SGCZ: variants seen among roughly 807,000 people sequenced by gnomAD.
The protein encoded by SGCZ is zeta-sarcoglycan.
SGCZ carries 40 observed loss-of-function variants against 41.3 expected under a neutral mutation model. The ratio of observed to expected loss-of-function variants is 0.97; its 90% CI spans 0.75 to 1.26. SGCZ has a LOEUF of 1.26. Among genes scored for constraint, SGCZ ranks in the 50% most tolerant of loss-of-function variants. The pLI, the probability that SGCZ is intolerant of heterozygous loss-of-function variation, is 0.00. For synonymous variants in SGCZ, 206 were observed against 137.5 expected (o/e 1.50, Z -3.49); for missense variants, 552 against 369.8 (o/e 1.49, Z -4.04).
intron 1 of SGCZ, among the ~76,000 whole-genome samples, chr8:14,617,801 C>T (rs1184447953): frequency 6.6e-6 from 1 of 151,674 alleles, no homozygotes; most frequent in Non-Finnish European, 1.5e-5. Flanking sequence ...AAAGATAGTG[C>T]ATGTTGAAGA....
intron 2 of SGCZ, among the ~76,000 whole-genome samples, chr8:14,384,590 C>G (rs890154507): frequency 9.2e-5 from 14 of 152,176 alleles, no homozygotes; most frequent in Non-Finnish European, 2.1e-4. Flanking sequence ...GACAAAGTCT[C>G]ACTCTGTTGC....
intron 1 of SGCZ, among the ~76,000 whole-genome samples, chr8:14,918,416 G>C (rs896753678): frequency 1.3e-5 from 2 of 151,786 alleles, no homozygotes; most frequent in Non-Finnish European, 2.9e-5. Flanking sequence ...TCATAATATT[G>C]TTTTTAAATA....
chr8:14,678,487 T>C (rs976549429), intron 1 of SGCZ, among the ~76,000 whole-genome samples: 1 of 152,180 alleles, frequency 6.6e-6, no homozygotes, highest in African/African-American at 2.4e-5. Context: ...AACAATGATA[T>C]GCCACTAAGA....
rs1198800343 is a variant in SGCZ, at chr8:15,066,657, T to C, written c.39+170928A>G. On this transcript the variant is annotated intron_variant, in intron 1 of 7. Transcript: ENST00000382080. ...TCAATTACCTCCACTTCTTCCATTT[T>C]AAAATATTCTTTTTACATTGACTAT... is the stretch of plus-strand genomic sequence containing the variant. 2.0e-5 allele frequency among the ~76,000 whole-genome samples: 3 copies of C among 152,224 alleles called. No homozygotes were observed. The East Asian group carries it at 5.8e-4, about 29-fold the overall frequency.
intron 1 of SGCZ, among the ~76,000 whole-genome samples, chr8:14,619,904 AC>A (rs1227045119): frequency 3.3e-5 from 5 of 152,182 alleles, no homozygotes; most frequent in Non-Finnish European, 5.9e-5. Context: ...CCATCAAGCT[AC>A]CAATGCCTTT....
At chr8:14,858,976 T>C (rs1803632774) in intron 1 of SGCZ, among the ~76,000 whole-genome samples, 2 of 152,156 alleles carry the variant, frequency 1.3e-5, no homozygotes, top group South Asian at 4.1e-4. Context: ...TAGATTTACT[T>C]TGCTAATTTT....
chr8:14,257,539 T>A (rs1799510139), intron 3 of SGCZ, among the ~76,000 whole-genome samples: 2 of 152,038 alleles, frequency 1.3e-5, no homozygotes, highest in Non-Finnish European at 2.9e-5. Context: ...ACACGCAGGT[T>A]TGTTACATAT....
intron 1 of SGCZ, among the ~76,000 whole-genome samples, chr8:15,061,176 T>A (rs1401213329): frequency 7.2e-6 from 1 of 138,780 alleles, no homozygotes; most frequent in Non-Finnish European, 1.6e-5. Flanking sequence ...AGTGTGATAG[T>A]ATTAAGAGGG....
At chr8:14,193,665 T>C (rs974912477) in intron 4 of SGCZ, among the ~76,000 whole-genome samples, 1 of 152,098 alleles carries the variant, frequency 6.6e-6, no homozygotes, top group Admixed American at 6.6e-5. Flanking sequence ...CAAGTTTATG[T>C]CTAACAATAG....
intron 1 of SGCZ, among the ~76,000 whole-genome samples, chr8:15,183,662 A>C (rs1310480069): frequency 6.6e-6 from 1 of 152,212 alleles, no homozygotes; most frequent in Non-Finnish European, 1.5e-5. Context: ...GGGGAAGAAA[A>C]ATCACTAATA....
chr8:14,996,266 T>C (rs1373704877), intron 1 of SGCZ, among the ~76,000 whole-genome samples: 3 of 152,312 alleles, frequency 2.0e-5, no homozygotes, highest in Admixed American at 6.5e-5. Flanking sequence ...AAATGCAGCA[T>C]TCTGAACCGC....
intron 2 of SGCZ, among the ~76,000 whole-genome samples, chr8:14,410,075 G>C (rs1036210127): frequency 6.6e-6 from 1 of 152,092 alleles, no homozygotes; most frequent in East Asian, 1.9e-4. Context: ...CCTCCAGTAA[G>C]ACCAGGGGTG....
intron 3 of SGCZ, among the ~76,000 whole-genome samples, chr8:14,246,782 C>T (rs1431599502): frequency 2.0e-5 from 3 of 150,054 alleles, no homozygotes; most frequent in Non-Finnish European, 3.0e-5. Context: ...TAGTGGCGGG[C>T]GCCTGTAGTC....
At chr8:15,199,527 T>G (rs1297588433) in intron 1 of SGCZ, among the ~76,000 whole-genome samples, 1 of 152,186 alleles carries the variant, frequency 6.6e-6, no homozygotes, top group Non-Finnish European at 1.5e-5. Context: ...TATAACTAAT[T>G]ACAATTTTTA....
chr8:14,539,044 C>T (rs1803379118), intron 2 of SGCZ, among the ~76,000 whole-genome samples: 1 of 152,014 alleles, frequency 6.6e-6, no homozygotes, highest in African/African-American at 2.4e-5. Flanking sequence ...TATAAATCAA[C>T]AGACTTTGAG....
intron 2 of SGCZ, among the ~76,000 whole-genome samples, chr8:14,552,060 A>C (rs1803886743): frequency 9.1e-6 from 1 of 109,960 alleles, no homozygotes; most frequent in African/African-American, 3.4e-5. Context: ...TGTGTAGATC[A>C]ATAGTACTCC....
chr8:14,134,131 A>G (rs1803124650), intron 5 of SGCZ, among the ~76,000 whole-genome samples: 1 of 152,186 alleles, frequency 6.6e-6, no homozygotes, highest in African/African-American at 2.4e-5. Context: ...ACAAATATCT[A>G]TTTTACATTT....
intron 2 of SGCZ, among the ~76,000 whole-genome samples, chr8:14,417,439 T>C (rs2117295086): frequency 6.6e-6 from 1 of 151,994 alleles, no homozygotes; most frequent in Admixed American, 6.6e-5. Flanking sequence ...CACTCTTTCC[T>C]CCAATTATTT....
At chr8:14,135,974 T>C (rs1451878702) in intron 5 of SGCZ, among the ~76,000 whole-genome samples, 1 of 152,218 alleles carries the variant, frequency 6.6e-6, no homozygotes, top group Non-Finnish European at 1.5e-5. Context: ...ACTAGTTTTA[T>C]GAGATTGGTA....
Sources: gnomAD v4.1 joint callset for allele counts (sites outside exome capture counted in the v4.1 genomes callset) on GRCh38, gnomAD v4.1.1 for gene constraint, MANE v1.5 for transcripts, NCBI Gene and HGNC (gene_info 2026-07-23, HGNC 2026-07-21) for gene names.